The following XPNPEP3 variants were observed in gnomAD, a reference collection of about 807,000 sequenced individuals.
XPNPEP3 encodes xaa-Pro aminopeptidase 3.
XPNPEP3 carries 41 observed loss-of-function variants against 60.0 expected under a neutral mutation model. The ratio of observed to expected loss-of-function variants is 0.68; its 90% CI spans 0.53 to 0.89. The LOEUF (loss-of-function observed/expected upper bound fraction) is 0.89. Among genes scored for constraint, XPNPEP3 ranks in the 40% least tolerant of loss-of-function variants. The pLI, the probability that XPNPEP3 is intolerant of heterozygous loss-of-function variation, is 0.00. For synonymous variants in XPNPEP3, 212 were observed against 223.2 expected, an observed-to-expected ratio of 0.95 and a Z score of 0.45; for missense variants, 598 against 638.9, an observed-to-expected ratio of 0.94 and a Z score of 0.69.
At chr22:40,870,350 G>C (rs555515516) in intron 2 of XPNPEP3, 114 of 236,078 alleles carry the variant, frequency 4.8e-4, no homozygotes, top group Non-Finnish European at 7.5e-4. Context: ...AATGGCCTCT[G>C]TATCTAGATT....
At chr22:40,909,595 T>G (rs534182571) in intron 6 of XPNPEP3, among the ~76,000 whole-genome samples, 1 of 152,042 alleles carries the variant, frequency 6.6e-6, no homozygotes, top group Admixed American at 6.6e-5. Flanking sequence ...TGAAACCATG[T>G]CTCTACTAAA....
In XPNPEP3 at chr22:40,913,227, T is replaced by C. The variant is rs547670765; in HGVS notation, c.970-1012T>C. Reference sequence around the variant, plus strand: ...GGCTCATGCCTGTAATTCCAGCACTTTGGGAGGCCGAGGCAGGCGGATTAT... The same window carrying C: ...GGCTCATGCCTGTAATTCCAGCACTCTGGGAGGCCGAGGCAGGCGGATTAT... On this transcript the variant is annotated intron_variant, in intron 6 of 9. Coordinates refer to ENST00000357137, the MANE Select transcript of XPNPEP3 (RefSeq NM_022098.4). 9.9e-5 allele frequency among the ~76,000 whole-genome samples: 15 copies of C among 151,958 alleles called. No homozygotes were observed. The South Asian group carries it at 2.1e-3, about 21-fold the overall frequency.
At chr22:40,890,630 G>T (rs1307688853) in intron 4 of XPNPEP3, among the ~76,000 whole-genome samples, 1 of 152,154 alleles carries the variant, frequency 6.6e-6, no homozygotes, top group Non-Finnish European at 1.5e-5. Flanking sequence ...ACTTTGGGAG[G>T]CCAAGGTGGG....
At chr22:40,898,295 G>A (rs1207887224) in intron 4 of XPNPEP3, among the ~76,000 whole-genome samples, 3 of 99,268 alleles carry the variant, frequency 3.0e-5, no homozygotes, top group Admixed American at 1.3e-4. Context: ...CGCCCAGGTC[G>A]GACTGCGGAC....
Position 40,886,847 on chromosome 22 carries a change from G to C in XPNPEP3, c.792+332G>C, listed in dbSNP as rs1349220594. Among the ~76,000 whole-genome samples the C allele has an allele frequency of 1.2e-4, 17 of 147,314 alleles. 1 individual carries two copies. In the East Asian group the frequency reaches 2.8e-3, roughly 24 times the overall value. ...ATCTCAAAAAAAAAAAAAAAAACAA[G>C]AAAAAAAGAAAAAGTTTTTTCCAGA... On this transcript the variant is annotated intron_variant, in intron 4 of 9. Coordinates refer to ENST00000357137, the MANE Select transcript of XPNPEP3 (RefSeq NM_022098.4).
chr22:40,889,413 C>G (rs1280388222), intron 4 of XPNPEP3, among the ~76,000 whole-genome samples: 3 of 152,162 alleles, frequency 2.0e-5, no homozygotes, highest in African/African-American at 7.2e-5. Context: ...AATTCTAAAC[C>G]TGGAATTAGC....
chr22:40,910,523 A>G (rs1041231032), intron 6 of XPNPEP3, among the ~76,000 whole-genome samples: 2 of 151,194 alleles, frequency 1.3e-5, no homozygotes, highest in African/African-American at 2.4e-5. Flanking sequence ...TGGGCAACAT[A>G]GCAAAACCCT....
chr22:40,890,215 G>A lies in XPNPEP3; in HGVS notation c.792+3700G>A, dbSNP rs1402012117. 4.6e-5 allele frequency among the ~76,000 whole-genome samples: 7 copies of A among 152,044 alleles called. No individual in the cohort carries two copies. The East Asian group carries it at 1.3e-3, about 29-fold the overall frequency. ...TCATATAGCAGTACCATTGAAGTGA[G>A]AAGTCAGACAAAATTTAGCTGCTAA... is the stretch of plus-strand genomic sequence containing the variant. On this transcript the variant is annotated intron_variant, in intron 4 of 9. Coordinates refer to ENST00000357137, the MANE Select transcript of XPNPEP3 (RefSeq NM_022098.4).
intron 1 of XPNPEP3, chr22:40,862,061 C>G (rs1409335117): frequency 6.6e-7 from 1 of 1,526,352 alleles, no homozygotes; most frequent in Non-Finnish European, 8.7e-7. Context: ...AGCTCAGGCT[C>G]TGCTGGTGGT....
chr22:40,866,350 T>C (rs552974165), intron 1 of XPNPEP3, among the ~76,000 whole-genome samples: 99 of 151,846 alleles, frequency 6.5e-4, no homozygotes, highest in Non-Finnish European at 1.1e-3. Context: ...ATAGGAGCGT[T>C]GGGGAAGACA....
chr22:40,905,311 A>G (rs772316009), intron 4 of XPNPEP3, among the ~76,000 whole-genome samples: 1 of 151,410 alleles, frequency 6.6e-6, no homozygotes, highest in Non-Finnish European at 1.5e-5. Context: ...TGATCTCTCC[A>G]CCTCGTGAAC....
chr22:40,909,979 G>T (rs2058171229), intron 6 of XPNPEP3, among the ~76,000 whole-genome samples: 1 of 151,682 alleles, frequency 6.6e-6, no homozygotes, highest in Admixed American at 6.6e-5. Context: ...TAGCTGTGAG[G>T]GAACATATCT....
intron 4 of XPNPEP3, among the ~76,000 whole-genome samples, chr22:40,894,345 C>G (rs533989208): frequency 1.3e-5 from 2 of 152,202 alleles, no homozygotes; most frequent in Non-Finnish European, 2.9e-5. Flanking sequence ...ACTTCTTTCC[C>G]CTTAGCAACA....
chr22:40,896,561 G>C (rs2058108925), intron 4 of XPNPEP3, among the ~76,000 whole-genome samples: 1 of 151,860 alleles, frequency 6.6e-6, no homozygotes, highest in Non-Finnish European at 1.5e-5. Flanking sequence ...AGCAACTTGG[G>C]AGGTGGAGGT....
chr22:40,922,633 C>A, intron 8 of XPNPEP3, 120 bp downstream of exon 8: 1 of 1,293,496 alleles, frequency 7.7e-7, no homozygotes, highest in Non-Finnish European at 1.1e-6. Flanking sequence ...TGCCTGTAAT[C>A]CCAGTAGTTT....
At chr22:40,922,597 A>C (rs1213231600) in intron 8 of XPNPEP3, 84 bp downstream of exon 8, 2 of 1,487,522 alleles carry the variant, frequency 1.3e-6, no homozygotes, top group African/African-American at 2.8e-5. Flanking sequence ...AATTAGACTT[A>C]GAAATGGGAC....
At chr22:40,895,288 T>A (rs572693261) in intron 4 of XPNPEP3, among the ~76,000 whole-genome samples, 1 of 152,306 alleles carries the variant, frequency 6.6e-6, no homozygotes, top group Non-Finnish European at 1.5e-5. Flanking sequence ...ATTGTCCATC[T>A]TATTGAAATG....
In XPNPEP3 at chr22:40,927,958, A is replaced by ACC. The variant is rs890700293; in HGVS notation, c.*1525_*1526dup. The ACC allele has an allele frequency of 2.0e-5, 3 of 151,506 alleles. No individual in the cohort carries two copies. Among genetic ancestry groups the ACC allele is most frequent in the African/African-American group, 7.3e-5 (3 of 41,222 alleles). 9.4% of individuals were successfully genotyped at this position (151,506 alleles called of 1,614,324 possible). A position where few individuals can be genotyped will look rare whatever the true frequency, so the allele number is the denominator to read the frequency against. On this transcript the variant is annotated 3_prime_UTR_variant, in exon 10 of 10. Transcript: ENST00000357137. ...CCCTCTATAGATTCTTAATGCACTG[A>ACC]CCCTCACAGGTTACCCTTTTAGCTG...
chr22:40,868,712 G>A (rs190336888), intron 1 of XPNPEP3, among the ~76,000 whole-genome samples: 1 of 152,144 alleles, frequency 6.6e-6, no homozygotes, highest in Non-Finnish European at 1.5e-5. Flanking sequence ...CAGACATGGT[G>A]GCACGCACCT....
Sources: gnomAD v4.1 joint callset for allele counts (sites outside exome capture counted in the v4.1 genomes callset) on GRCh38, gnomAD v4.1.1 for gene constraint, MANE v1.5 for transcripts, NCBI Gene and HGNC (gene_info 2026-07-23, HGNC 2026-07-21) for gene names.